The following CARM1 variants were observed in gnomAD, a reference collection of about 807,000 sequenced individuals.
CARM1 encodes the protein histone-arginine methyltransferase CARM1.
A neutral mutation model predicts 72.7 loss-of-function variants in CARM1; 14 were observed. The observed-to-expected ratio is 0.19, with a 90% CI of 0.13 to 0.30. The LOEUF is 0.30. Among genes scored for constraint, CARM1 ranks in the 10% least tolerant of loss-of-function variants. The probability of loss-of-function intolerance (pLI) is 1.00; values close to 1 mark genes in which losing one functional copy is unlikely to be tolerated. For synonymous variants in CARM1, 333 were observed against 345.5 expected (o/e 0.96, Z 0.40); for missense variants, 432 against 833.7 (o/e 0.52, Z 5.93).
At chr19:10,882,981 T>C (rs2073913244) in intron 1 of CARM1, among the ~76,000 whole-genome samples, 1 of 152,026 alleles carries the variant, frequency 6.6e-6, no homozygotes, top group Admixed American at 6.6e-5. Flanking sequence ...AGAGGTGAGC[T>C]GCAAAGGAGG....
rs147596772 is a variant in CARM1, at chr19:10,894,025, G to C, written c.221-10926G>C. Among the ~76,000 whole-genome samples, 372 of 152,316 alleles carry C rather than the reference G, an allele frequency of 2.4e-3. 1 individual carries two copies. Among genetic ancestry groups the C allele is most frequent in the Middle Eastern group, 3.4e-3 (1 of 294 alleles). Reference sequence around the variant, plus strand: ...CATGGGTGCCAAGCCACACAGGAATGGGGGGAAGCTTCTGGTTCCCAGTTT... The same window carrying C: ...CATGGGTGCCAAGCCACACAGGAATCGGGGGAAGCTTCTGGTTCCCAGTTT... On this transcript the variant is annotated intron_variant, in intron 1 of 15. Transcript: ENST00000327064.
chr19:10,885,512 G>A (rs1304677241), intron 1 of CARM1, among the ~76,000 whole-genome samples: 1 of 152,176 alleles, frequency 6.6e-6, no homozygotes, highest in Non-Finnish European at 1.5e-5. Flanking sequence ...TCCTGGCGAG[G>A]ACTGCAGAAA....
At position 10,885,899 on chromosome 19, in the gene CARM1, T is replaced by C. The variant is rs1023527266; in HGVS notation, c.220+13977T>C. ...CAGCTCACTCCCTCATTTTTTTTTT[T>C]TTTTTTTTTTTTTTTGAGACAGGGA... On this transcript the variant is annotated intron_variant, in intron 1 of 15. Coordinates refer to ENST00000327064, the MANE Select transcript of CARM1 (RefSeq NM_199141.2). 6.7e-5 allele frequency among the ~76,000 whole-genome samples: 10 copies of C among 148,946 alleles called. 1 individual carries two copies. The South Asian group carries it at 8.6e-4, about 13-fold the overall frequency.
At chr19:10,874,908 C>G (rs2073851410) in intron 1 of CARM1, among the ~76,000 whole-genome samples, 4 of 151,880 alleles carry the variant, frequency 2.6e-5, no homozygotes, top group Admixed American at 6.6e-5. Context: ...ACTGTAGTCC[C>G]AGCTACTCCG....
intron 1 of CARM1, among the ~76,000 whole-genome samples, chr19:10,880,813 G>C (rs898817254): frequency 6.6e-6 from 1 of 152,186 alleles, no homozygotes; most frequent in Admixed American, 6.5e-5. Flanking sequence ...TCCCTGAAAG[G>C]GGGTGACAGT....
intron 1 of CARM1, among the ~76,000 whole-genome samples, chr19:10,900,361 C>T (rs1052951542): frequency 6.6e-6 from 1 of 152,186 alleles, no homozygotes; most frequent in Admixed American, 6.5e-5. Flanking sequence ...ATCCATTAAG[C>T]AGTTGCTCCC....
intron 1 of CARM1, among the ~76,000 whole-genome samples, chr19:10,880,439 A>C (rs1451168092): frequency 6.6e-6 from 1 of 151,744 alleles, no homozygotes; most frequent in Non-Finnish European, 1.5e-5. Context: ...TTGAACACCC[A>C]GGCTCAAGGG....
intron 5 of CARM1, among the ~76,000 whole-genome samples, chr19:10,913,073 G>A (rs2074165658): frequency 6.6e-6 from 1 of 152,116 alleles, no homozygotes; most frequent in African/African-American, 2.4e-5. Flanking sequence ...GGCCGCAGCA[G>A]GGGACGGCCC....
intron 1 of CARM1, among the ~76,000 whole-genome samples, chr19:10,882,581 G>A (rs1347893275): frequency 5.5e-5 from 7 of 126,470 alleles, no homozygotes; most frequent in Non-Finnish European, 9.4e-5. Flanking sequence ...TCACTCTGTC[G>A]CCCAGGCTGG....
rs775517583 is a variant in CARM1, at chr19:10,919,868, G to T, written c.1107-9G>T. The T allele has an allele frequency of 6.2e-7, 1 of 1,611,246 alleles. No individual in the cohort carries two copies. Among genetic ancestry groups the T allele is most frequent in the Non-Finnish European group, 8.5e-7 (1 of 1,177,322 alleles). ...GCTTCCCCAGCAGCCACTGCCCTTT[G>T]CCTTCCAGGATAGAAATCCCATTCA... On this transcript the variant is annotated splice_polypyrimidine_tract_variant and intron_variant, in intron 9 of 15. Transcript: ENST00000327064.
intron 1 of CARM1, among the ~76,000 whole-genome samples, chr19:10,903,593 G>T (rs551991333): frequency 4.5e-4 from 66 of 146,562 alleles, no homozygotes; most frequent in Middle Eastern, 6.9e-3. Flanking sequence ...AGGATCTCAC[G>T]TCTGTTGCCT....
Position 10,890,275 on chromosome 19 carries a change from T to G in CARM1, c.221-14676T>G, listed in dbSNP as rs1459886614. 4.1e-4 allele frequency among the ~76,000 whole-genome samples: 62 copies of G among 150,096 alleles called. 1 individual carries two copies. In the South Asian group the frequency reaches 0.011, roughly 26 times the overall value. On this transcript the variant is annotated intron_variant, in intron 1 of 15. Transcript: ENST00000327064. ...TTTGTTTTTTGTTTTGTTTGTTTTT[T>G]TTTTTTTTTGAGACAGAGTTTCGCT...
intron 1 of CARM1, among the ~76,000 whole-genome samples, chr19:10,894,881 C>A (rs2074013347): frequency 6.6e-6 from 1 of 151,986 alleles, no homozygotes; most frequent in African/African-American, 2.4e-5. Flanking sequence ...GTTGGGACTA[C>A]AGGTGCGCAT....
chr19:10,871,737 C>G lies in CARM1; in HGVS notation c.35C>G (p.Ala12Gly), dbSNP rs1260824267. 9.8e-7 allele frequency: 1 copy of G among 1,024,110 alleles called. No homozygotes were observed. Among genetic ancestry groups the G allele is most frequent in the Non-Finnish European group, 1.2e-6 (1 of 853,920 alleles). The allele number at this position is 1,024,110 out of a possible 1,614,324, so 63.4% of individuals were successfully genotyped here. A position where few individuals can be genotyped will look rare whatever the true frequency, so the allele number is the denominator to read the frequency against. Residue 12 changes from alanine (A) to glycine (G), a missense_variant, in exon 1 of 16, where the codon GCG becomes GGG. This residue lies in a region of CARM1 where 138 missense variants were observed against 192.3 expected (regional missense o/e 0.72). Coordinates refer to ENST00000327064, the MANE Select transcript of CARM1 (RefSeq NM_199141.2). This position sits in a 1 kb window ranked among gnomAD's most constrained non-coding sequence, Gnocchi z 5.6. ...GCGGCGGCGGCGGTGGGGCCGGGCG[C>G]GGGCGGCGCGGGGTCGGCGGTCCCG... ...AAAAAAVGPG[A>G]GGAGSAVPGG...
Position 10,915,637 on chromosome 19 carries a change from GC to G in CARM1, c.848-768del, listed in dbSNP as rs1463029737. On this transcript the variant is annotated intron_variant, in intron 6 of 15. Coordinates refer to ENST00000327064, the MANE Select transcript of CARM1 (RefSeq NM_199141.2). This position sits in a 1 kb window ranked among gnomAD's most constrained non-coding sequence, Gnocchi z 4.6. ...CCCTGCAGCTCTCGCCTCGGGTACA[GC>G]CTGGTGGCGTAAGGAGGAGGCAGAG... 6.6e-6 allele frequency among the ~76,000 whole-genome samples: 1 copy of G among 152,148 alleles called. No homozygotes were observed. Among genetic ancestry groups the G allele is most frequent in the African/African-American group, 2.4e-5 (1 of 41,446 alleles).
In CARM1 at chr19:10,921,429, C is replaced by T. The variant is rs1404227792; in HGVS notation, c.1670C>T (p.Thr557Met). The change falls in exon 15 of 16, where the codon ACG becomes ATG. Residue 557 changes from threonine (T) to methionine (M), a missense_variant. Transcript: ENST00000327064. ...TCCCGGATGGGCTCCATAATGAGCACGGGGATTGTCCAAGGTAACGAGGGT... is the reference window on the plus strand; with the variant it reads ...TCCCGGATGGGCTCCATAATGAGCATGGGGATTGTCCAAGGTAACGAGGGT... ...THSRMGSIMS[T>M]GIVQGSSGAQ... is the part of the protein sequence containing the mutation. 5 of 1,609,440 alleles carry T rather than the reference C, an allele frequency of 3.1e-6. No homozygotes were observed. Among genetic ancestry groups the T allele is most frequent in the East Asian group, 2.2e-5 (1 of 44,826 alleles).
chr19:10,916,225 G>T lies in CARM1; in HGVS notation c.848-182G>T, dbSNP rs1450597974. Among the ~76,000 whole-genome samples the T allele has an allele frequency of 6.6e-6, 1 of 152,182 alleles. No individual in the cohort carries two copies. The highest frequency in any genetic ancestry group is 2.4e-5 in the African/African-American group (1 of 41,438). ...GTGAGCTGGTGCAGGTCAGGTACCC[G>T]TGGTGGTGATGAAACACTGATCAGA... On this transcript the variant is annotated intron_variant, in intron 6 of 15. Transcript: ENST00000327064. The surrounding 1 kb of genome is among the most constrained non-coding windows in gnomAD (Gnocchi z 4.4).
rs1185207807 is a variant in CARM1 at position 10,904,970 on chromosome 19, T to C, written c.240T>C (p.Phe80=). Residue 80 remains phenylalanine, a synonymous_variant, in exon 2 of 16, where the codon TTT becomes TTC. Transcript: ENST00000327064. ...TCGTAGATGAAGATGTGTGTGTCTT[T>C]AAGTGCTCAGTGTCCCGAGAGACAG... ...ALYSHEDVCV[F]KCSVSRETEC... 1 of 1,614,072 alleles carries C rather than the reference T, an allele frequency of 6.2e-7. No homozygotes were observed. The highest frequency in any genetic ancestry group is 8.5e-7 in the Non-Finnish European group (1 of 1,180,016).
intron 1 of CARM1, among the ~76,000 whole-genome samples, chr19:10,876,517 C>T (rs774283435): frequency 2.0e-5 from 3 of 152,216 alleles, no homozygotes; most frequent in Non-Finnish European, 2.9e-5. Context: ...GTGGGGAGGA[C>T]TTCCAGCCCT....
Sources: gnomAD v4.1 joint callset for allele counts (sites outside exome capture counted in the v4.1 genomes callset) on GRCh38, gnomAD v4.1.1 for gene constraint, gnomAD v4.1.1 regional missense constraint, Gnocchi (gnomAD v3.1) non-coding constraint, MANE v1.5 for transcripts, NCBI Gene and HGNC (gene_info 2026-07-23, HGNC 2026-07-21) for gene names.